BNC2: variants seen among roughly 807,000 people sequenced by gnomAD.
The protein encoded by BNC2 is basonuclin zinc finger protein 2.
In BNC2, 20 loss-of-function variants were observed where a neutral mutation model predicts 76.3. The observed-to-expected ratio is 0.26, with a 90% CI of 0.18 to 0.38. The LOEUF is 0.38. BNC2 is among the 10% of genes least tolerant of loss of function. The pLI is 1.00. For synonymous variants in BNC2, 582 were observed against 514.8 expected (o/e 1.13, Z -1.77); for missense variants, 1,382 against 1,399.8 (o/e 0.99, Z 0.20).
intron 3 of BNC2, among the ~76,000 whole-genome samples, chr9:16,615,875 T>C (rs1820682491): frequency 6.6e-6 from 1 of 152,176 alleles, no homozygotes; most frequent in South Asian, 2.1e-4. Flanking sequence ...TGATTGGTAC[T>C]ATTATATCGC....
intron 1 of BNC2, among the ~76,000 whole-genome samples, chr9:16,800,736 G>A (rs1044362054): frequency 1.3e-5 from 2 of 152,130 alleles, no homozygotes; most frequent in Non-Finnish European, 2.9e-5. Flanking sequence ...TAAATGCCCT[G>A]TGACCCTCTG....
At chr9:16,775,933 C>T (rs1211205939) in intron 1 of BNC2, 1 of 152,202 alleles carries the variant, frequency 6.6e-6, no homozygotes, top group Non-Finnish European at 1.5e-5. Flanking sequence ...CTGCAATGTA[C>T]AGCGGCGGTG....
intron 1 of BNC2, among the ~76,000 whole-genome samples, chr9:16,794,707 A>G (rs899959301): frequency 1.3e-5 from 2 of 152,208 alleles, no homozygotes; most frequent in Non-Finnish European, 2.9e-5. Flanking sequence ...AAAAAACACA[A>G]TTCCTCAGCT....
intron 1 of BNC2, among the ~76,000 whole-genome samples, chr9:16,800,535 G>A (rs1044332546): frequency 6.6e-6 from 1 of 151,796 alleles, no homozygotes; most frequent in Non-Finnish European, 1.5e-5. Flanking sequence ...CACTACTTTT[G>A]TAATGCGAAG....
intron 6 of BNC2, among the ~76,000 whole-genome samples, 176 bp from the exon 7 acceptor site, chr9:16,419,825 G>A (rs1469826113): frequency 1.3e-5 from 2 of 152,180 alleles, no homozygotes; most frequent in Non-Finnish European, 2.9e-5. Context: ...CTGGGAGTTA[G>A]TGGTGGTGGT....
intron 1 of BNC2, among the ~76,000 whole-genome samples, chr9:16,816,215 A>G (rs765387381): frequency 3.9e-5 from 6 of 152,100 alleles, no homozygotes; most frequent in Non-Finnish European, 8.8e-5. Context: ...AGCAGAACAC[A>G]TTTATCCCCC....
rs181776014 is a variant in BNC2 at position 16,612,146 on chromosome 9, G to C, written c.331-29061C>G. 2.6e-5 allele frequency among the ~76,000 whole-genome samples: 4 copies of C among 151,382 alleles called. No individual in the cohort carries two copies. The East Asian group carries it at 7.8e-4, about 29-fold the overall frequency. On this transcript the variant is annotated intron_variant, in intron 3 of 6. Transcript: ENST00000380672. ...AACAAAGTGTTATATGCAATAAAAT[G>C]TGGACGTCTTTCTTTCTCCCCACAT...
In BNC2 at chr9:16,436,283, G is replaced by C; in HGVS notation, c.1911C>G (p.Ser637Arg). 6.2e-7 allele frequency: 1 copy of C among 1,614,106 alleles called. No homozygotes were observed. The highest frequency in any genetic ancestry group is 8.5e-7 in the Non-Finnish European group (1 of 1,180,026). Reference sequence around the variant, plus strand: ...TTTCCTTCTCAATCTTCACAGGCATGCTTGACTTCCTGGGCTTTTTCTTGG... The same window carrying C: ...TTTCCTTCTCAATCTTCACAGGCATCCTTGACTTCCTGGGCTTTTTCTTGG... The part of the protein sequence containing the change: ...LAPKKKPRKS[S>R]MPVKIEKEII... The change falls in exon 6 of 7, where the codon AGC (serine) becomes AGG (arginine). Residue 637 changes from serine to arginine, a missense_variant. Ser to Arg is a moderately radical substitution (Grantham distance 110). This residue lies in a region of BNC2 where 798 missense variants were observed against 775.5 expected (regional missense o/e 1.03). Coordinates refer to ENST00000380672, the MANE Select transcript of BNC2 (RefSeq NM_017637.6).
At chr9:16,488,096 A>C (rs986143110) in intron 5 of BNC2, among the ~76,000 whole-genome samples, 1 of 152,130 alleles carries the variant, frequency 6.6e-6, no homozygotes, top group Non-Finnish European at 1.5e-5. Flanking sequence ...AGCATGCAAA[A>C]AGGCACCGTT....
At chr9:16,584,136 T>C (rs538350930) in intron 3 of BNC2, among the ~76,000 whole-genome samples, 2 of 152,146 alleles carry the variant, frequency 1.3e-5, no homozygotes, top group Non-Finnish European at 2.9e-5. Context: ...CTACTTGAAC[T>C]GCCAGGAAAA....
At chr9:16,563,745 T>A (rs897842727) in intron 4 of BNC2, among the ~76,000 whole-genome samples, 2 of 152,180 alleles carry the variant, frequency 1.3e-5, no homozygotes, top group Non-Finnish European at 2.9e-5. Context: ...GAACTGATAG[T>A]GTACCTTTTC....
At chr9:16,714,891 G>C (rs1483632467) in intron 3 of BNC2, among the ~76,000 whole-genome samples, 1 of 152,130 alleles carries the variant, frequency 6.6e-6, no homozygotes, top group Non-Finnish European at 1.5e-5. Context: ...CTTTTAAAGA[G>C]ACCCTTCAAA....
At chr9:16,511,285 T>A (rs1822748437) in intron 5 of BNC2, among the ~76,000 whole-genome samples, 1 of 151,674 alleles carries the variant, frequency 6.6e-6, no homozygotes, top group African/African-American at 2.4e-5. Context: ...GGTTTTTAAA[T>A]TTTTTTGTAA....
intron 5 of BNC2, among the ~76,000 whole-genome samples, chr9:16,527,579 T>A (rs1483417133): frequency 6.6e-6 from 1 of 152,174 alleles, no homozygotes; most frequent in Admixed American, 6.5e-5. Context: ...TAAGCTTCAA[T>A]AGCAGGCCAG....
At chr9:16,632,449 T>C (rs1821191239) in intron 3 of BNC2, among the ~76,000 whole-genome samples, 2 of 151,974 alleles carry the variant, frequency 1.3e-5, no homozygotes, top group African/African-American at 2.4e-5. Context: ...AATCTGTGTA[T>C]GTAAAAGCAC....
At chr9:16,585,284 A>G (rs1299848215) in intron 3 of BNC2, among the ~76,000 whole-genome samples, 2 of 152,130 alleles carry the variant, frequency 1.3e-5, no homozygotes, top group African/African-American at 4.8e-5. Flanking sequence ...TATGATTCAA[A>G]TATTTTGTCT....
chr9:16,513,800 G>A (rs1279814139), intron 5 of BNC2, among the ~76,000 whole-genome samples: 3 of 152,164 alleles, frequency 2.0e-5, no homozygotes, highest in East Asian at 1.9e-4. Context: ...ATGGGCCTGG[G>A]GATTAGAGCT....
intron 5 of BNC2, among the ~76,000 whole-genome samples, chr9:16,529,122 T>C (rs185859619): frequency 3.2e-4 from 48 of 152,300 alleles, no homozygotes; most frequent in Admixed American, 5.2e-4. Context: ...ATACACAGGA[T>C]GGTAGTTAGG....
intron 1 of BNC2, among the ~76,000 whole-genome samples, chr9:16,850,543 C>G (rs892424676): frequency 6.6e-6 from 1 of 152,148 alleles, no homozygotes; most frequent in Non-Finnish European, 1.5e-5. Flanking sequence ...AACTTGTAAA[C>G]TATATGTGAA....
Sources: gnomAD v4.1 joint callset for allele counts (sites outside exome capture counted in the v4.1 genomes callset) on GRCh38, gnomAD v4.1.1 for gene constraint, gnomAD v4.1.1 regional missense constraint, MANE v1.5 for transcripts, NCBI Gene and HGNC (gene_info 2026-07-23, HGNC 2026-07-21) for gene names.